Variants in ATP8A2 observed in about 807,000 individuals in gnomAD.
ATP8A2 encodes the protein ATPase phospholipid transporting 8A2.
In ATP8A2, 100 loss-of-function variants were observed where a neutral mutation model predicts 165.6. That is an observed-to-expected ratio of 0.60 (90% CI 0.51 to 0.71). The LOEUF is 0.71. Ranked by LOEUF, ATP8A2 falls within the 30% of genes least tolerant of loss-of-function variation. The probability of loss-of-function intolerance (pLI) is 0.00; values close to 1 mark genes in which losing one functional copy is unlikely to be tolerated. For synonymous variants in ATP8A2, 543 were observed against 548.8 expected (o/e 0.99, Z 0.15); for missense variants, 1,227 against 1,479.5 (o/e 0.83, Z 2.80).
At chr13:25,790,102 A>G (rs1029218088) in intron 27 of ATP8A2, among the ~76,000 whole-genome samples, 9 of 152,214 alleles carry the variant, frequency 5.9e-5, no homozygotes, top group Non-Finnish European at 1.0e-4. Flanking sequence ...TTAAATGTAA[A>G]ACCCAAAGCT....
chr13:25,726,860 G>T (rs1412875723), intron 25 of ATP8A2, among the ~76,000 whole-genome samples: 2 of 152,038 alleles, frequency 1.3e-5, no homozygotes, highest in African/African-American at 4.8e-5. Flanking sequence ...GATTTTTGAG[G>T]GTCTGGAGGT....
At chr13:25,604,045 G>A (rs1175138464) in intron 24 of ATP8A2, among the ~76,000 whole-genome samples, 4 of 151,952 alleles carry the variant, frequency 2.6e-5, no homozygotes, top group African/African-American at 9.7e-5. Context: ...GGGTGGTGGG[G>A]TGGGGGGTAC....
chr13:25,949,691 G>A (rs942410674), intron 33 of ATP8A2, among the ~76,000 whole-genome samples: 55 of 152,284 alleles, frequency 3.6e-4, no homozygotes, highest in African/African-American at 1.2e-3. Context: ...AGCCCTTCCC[G>A]TGGCTCCAGC....
At chr13:25,703,183 A>G (rs1381271630) in intron 25 of ATP8A2, among the ~76,000 whole-genome samples, 2 of 152,104 alleles carry the variant, frequency 1.3e-5, no homozygotes, top group Non-Finnish European at 2.9e-5. Flanking sequence ...AGGTTCAAGC[A>G]ATTCTCCTGC....
intron 18 of ATP8A2, 101 bp from the exon 19 acceptor site, chr13:25,574,703 AAGAG>A (rs371416859): frequency 5.3e-5 from 40 of 750,806 alleles, no homozygotes; most frequent in African/African-American, 3.9e-4. Context: ...AGAAGGTGGG[AAGAG>A]AGAGAGAGAG....
Position 25,427,137 on chromosome 13 carries a change from G to A in ATP8A2, c.77-41840G>A, listed in dbSNP as rs114322720. Reference sequence around the variant, plus strand: ...CTGCAGAGCAGGAAGTGAGCAGTGGGCGAGCTAGCACGTGAAGCCTTATCT... The same window carrying A: ...CTGCAGAGCAGGAAGTGAGCAGTGGACGAGCTAGCACGTGAAGCCTTATCT... On this transcript the variant is annotated intron_variant, in intron 1 of 36. Transcript: ENST00000381655. Among the ~76,000 whole-genome samples the A allele has an allele frequency of 9.9e-3, 1,515 of 152,262 alleles. 31 individuals carry two copies. The highest frequency in any genetic ancestry group is 0.034 in the African/African-American group (1,410 of 41,556).
chr13:25,564,160 C>A, intron 16 of ATP8A2, 129 bp downstream of exon 16: 1 of 687,340 alleles, frequency 1.5e-6, no homozygotes, highest in South Asian at 1.6e-5. Flanking sequence ...TGATGTGAGT[C>A]CTTCTGAGAA....
At chr13:25,391,350 T>C in intron 1 of ATP8A2, among the ~76,000 whole-genome samples, 1 of 152,214 alleles carries the variant, frequency 6.6e-6, no homozygotes, top group Non-Finnish European at 1.5e-5. Flanking sequence ...CATCTGTCCA[T>C]CCATCCATCA....
intron 1 of ATP8A2, among the ~76,000 whole-genome samples, chr13:25,376,662 A>G (rs1308685541): frequency 1.3e-5 from 2 of 152,352 alleles, no homozygotes; most frequent in South Asian, 4.1e-4. Context: ...TATCGACAAC[A>G]TGTTAGATTT....
chr13:25,741,847 A>G (rs2043920108), intron 25 of ATP8A2, among the ~76,000 whole-genome samples: 1 of 152,172 alleles, frequency 6.6e-6, no homozygotes, highest in South Asian at 2.1e-4. Context: ...CATGAGCTTT[A>G]CAAGGCTCTT....
intron 1 of ATP8A2, among the ~76,000 whole-genome samples, chr13:25,451,873 G>A (rs1252924951): frequency 8.5e-6 from 1 of 117,544 alleles, no homozygotes; most frequent in African/African-American, 3.2e-5. Flanking sequence ...TTCTTTTTTT[G>A]AGATGGAGTC....
Position 25,530,023 on chromosome 13 carries a change from A to G in ATP8A2, c.246A>G (p.Thr82=), listed in dbSNP as rs774703248. ...GTACGGCCAAGTACAGCGTGTTGAC[A>G]TTTCTACCTCGATTCTTGTATGAGC... The part of the protein sequence containing the change: ...QISTAKYSVL[T]FLPRFLYEQI... Residue 82 remains threonine (T), a synonymous_variant, in exon 3 of 37, where the codon ACA becomes ACG. Coordinates refer to ENST00000381655, the MANE Select transcript of ATP8A2 (RefSeq NM_016529.6). 37 of 1,612,330 alleles carry G rather than the reference A, an allele frequency of 2.3e-5. 1 individual carries two copies. The highest frequency in any genetic ancestry group is 3.0e-5 in the Non-Finnish European group (35 of 1,178,690).
In ATP8A2 at chr13:25,567,255, G is replaced by C. The variant is rs1593548442; in HGVS notation, c.1473+3224G>C. ...TTCATCCCACACTCTTCTTGAGCCT[G>C]TCCTCTGTTGATGTTTGAATGGAGA... On this transcript the variant is annotated intron_variant, in intron 16 of 36. Coordinates refer to ENST00000381655, the MANE Select transcript of ATP8A2 (RefSeq NM_016529.6). The C allele has an allele frequency of 6.6e-6, 3 of 455,346 alleles. No individual in the cohort carries two copies. In the East Asian group the frequency reaches 2.1e-4, roughly 32 times the overall value. The allele number at this position is 455,346 out of a possible 1,614,324, so 28.2% of individuals were successfully genotyped here.
At chr13:25,622,280 G>T (rs1209653670) in intron 24 of ATP8A2, among the ~76,000 whole-genome samples, 6 of 151,698 alleles carry the variant, frequency 4.0e-5, no homozygotes, top group Non-Finnish European at 8.8e-5. Flanking sequence ...GAGCTAAGCA[G>T]ATTTTTGGTA....
intron 25 of ATP8A2, among the ~76,000 whole-genome samples, chr13:25,740,177 T>C (rs183649723): frequency 0.011 from 1,681 of 151,896 alleles, 29 homozygotes; most frequent in African/African-American, 0.036. Context: ...GGCGTGGTGG[T>C]GGGCGCCTGT....
chr13:25,737,808 G>A (rs1159321681), intron 25 of ATP8A2, among the ~76,000 whole-genome samples: 4 of 152,126 alleles, frequency 2.6e-5, no homozygotes, highest in Admixed American at 6.5e-5. Flanking sequence ...TCAGCCTCCC[G>A]AGTAGCTGGG....
intron 33 of ATP8A2, among the ~76,000 whole-genome samples, chr13:25,902,342 AAC>A (rs1953779242): frequency 6.6e-6 from 1 of 152,160 alleles, no homozygotes; most frequent in Non-Finnish European, 1.5e-5. Flanking sequence ...AGCCTTGGGA[AAC>A]ACTGGACATT....
rs569271838 is a variant in ATP8A2, at chr13:25,413,035, C to T, written c.76+40747C>T. ...GTTTCACCATGTTGGCCAGGCTGGT[C>T]TTGAACTTCTTACCTCAAGTGATCC... On this transcript the variant is annotated intron_variant, in intron 1 of 36. Transcript: ENST00000381655. Among the ~76,000 whole-genome samples the T allele has an allele frequency of 5.5e-4, 83 of 152,204 alleles. 1 individual carries two copies. Among genetic ancestry groups the T allele is most frequent in the Middle Eastern group, 3.4e-3 (1 of 294 alleles).
At chr13:25,451,436 G>C (rs2035222204) in intron 1 of ATP8A2, among the ~76,000 whole-genome samples, 1 of 152,016 alleles carries the variant, frequency 6.6e-6, no homozygotes, top group Admixed American at 6.6e-5. Flanking sequence ...CCTATTGTTT[G>C]ATATCAGAAA....
Sources: allele counts gnomAD v4.1 joint callset (sites outside exome capture counted in the v4.1 genomes callset), GRCh38; gene constraint gnomAD v4.1.1; transcripts MANE v1.5; gene names NCBI Gene and HGNC (gene_info 2026-07-23, HGNC 2026-07-21).